KIAA0825: variants seen among roughly 807,000 people sequenced by gnomAD.
KIAA0825 encodes uncharacterized protein KIAA0825.
KIAA0825 carries 119 observed loss-of-function variants against 147.6 expected under a neutral mutation model. That is an observed-to-expected ratio of 0.81 (90% CI 0.69 to 0.94). The LOEUF (loss-of-function observed/expected upper bound fraction) is 0.94, where lower values mean the gene tolerates loss of function less well. Among genes scored for constraint, KIAA0825 ranks in the 40% least tolerant of loss-of-function variants. The pLI is 0.00. For synonymous variants in KIAA0825, 470 were observed against 518.1 expected (o/e 0.91, Z 1.26); for missense variants, 1,381 against 1,472.7 (o/e 0.94, Z 1.02).
intron 20 of KIAA0825, among the ~76,000 whole-genome samples, chr5:94,315,007 A>T (rs1216286595): frequency 6.6e-6 from 1 of 151,604 alleles, no homozygotes; most frequent in Non-Finnish European, 1.5e-5. Flanking sequence ...GACAAATAGG[A>T]CTGTTGCCAT....
chr5:94,248,369 C>T (rs1775737456), intron 20 of KIAA0825, among the ~76,000 whole-genome samples: 1 of 152,060 alleles, frequency 6.6e-6, no homozygotes, highest in Non-Finnish European at 1.5e-5. Flanking sequence ...CTCTGCTGGC[C>T]AGATTCTGTC....
chr5:94,526,710 G>A (rs1769354075), intron 3 of KIAA0825, among the ~76,000 whole-genome samples: 1 of 151,902 alleles, frequency 6.6e-6, no homozygotes, highest in Non-Finnish European at 1.5e-5. Context: ...TTGAATGAAG[G>A]CATTATATTT....
chr5:94,401,628 A>C (rs1751389884), intron 16 of KIAA0825, among the ~76,000 whole-genome samples: 1 of 152,114 alleles, frequency 6.6e-6, no homozygotes, highest in Admixed American at 6.6e-5. Flanking sequence ...GCTCACTCAC[A>C]GACCAAGAAA....
intron 20 of KIAA0825, among the ~76,000 whole-genome samples, chr5:94,303,972 C>T (rs1418844850): frequency 6.6e-6 from 1 of 152,052 alleles, no homozygotes; most frequent in Admixed American, 6.6e-5. Context: ...GAATGATAAT[C>T]ATTAAATACT....
intron 5 of KIAA0825, among the ~76,000 whole-genome samples, chr5:94,518,217 A>G (rs562121704): frequency 4.4e-4 from 67 of 152,316 alleles, no homozygotes; most frequent in Middle Eastern, 6.8e-3. Context: ...AATAAACAAA[A>G]CATTATCATT....
At chr5:94,366,643 TA>T (rs1745897752) in intron 20 of KIAA0825, among the ~76,000 whole-genome samples, 1 of 152,224 alleles carries the variant, frequency 6.6e-6, no homozygotes, top group Non-Finnish European at 1.5e-5. Flanking sequence ...TGCTAAAGGT[TA>T]AGTTTTTCTT....
At chr5:94,605,587 C>T (rs937229197) in intron 1 of KIAA0825, among the ~76,000 whole-genome samples, 1 of 152,150 alleles carries the variant, frequency 6.6e-6, no homozygotes, top group Non-Finnish European at 1.5e-5. Flanking sequence ...AGGCTTCATT[C>T]CCAGGATGCA....
intron 20 of KIAA0825, among the ~76,000 whole-genome samples, chr5:94,344,263 A>G (rs1782743079): frequency 6.6e-6 from 1 of 152,240 alleles, no homozygotes; most frequent in South Asian, 2.1e-4. Context: ...CTACACAGTA[A>G]TAAAAAATAT....
chr5:94,440,049 C>G lies in KIAA0825; in HGVS notation c.2430G>C (p.Trp810Cys). ...GCAGTAGGGTTTCCAGAAGCAAGTT[C>G]CAGTTACAACGTGGCTGGGATAAGA... The part of the protein sequence containing the change: ...KLLLSQPRCN[W>C]NLLLETLLHH... The change falls in exon 14 of 21, where the codon TGG (tryptophan) becomes TGC (cysteine). Residue 810 changes from tryptophan (W) to cysteine (C), a missense_variant. Transcript: ENST00000682413. 1 of 1,551,706 alleles carries G rather than the reference C, an allele frequency of 6.4e-7. No individual in the cohort carries two copies. Among genetic ancestry groups the G allele is most frequent in the East Asian group, 2.4e-5 (1 of 40,904 alleles).
chr5:94,510,571 A>AT (rs1766344524), intron 5 of KIAA0825, among the ~76,000 whole-genome samples: 1 of 152,208 alleles, frequency 6.6e-6, no homozygotes, highest in Non-Finnish European at 1.5e-5. Flanking sequence ...TACATGTGCA[A>AT]TTTTAGATCT....
intron 1 of KIAA0825, among the ~76,000 whole-genome samples, chr5:94,613,973 C>T (rs1789666491): frequency 6.6e-6 from 1 of 152,184 alleles, no homozygotes; most frequent in Non-Finnish European, 1.5e-5. Context: ...GACCATTTCT[C>T]CTTCTACAAA....
intron 20 of KIAA0825, among the ~76,000 whole-genome samples, chr5:94,293,560 T>C (rs1777998204): frequency 6.6e-6 from 1 of 152,190 alleles, no homozygotes; most frequent in Non-Finnish European, 1.5e-5. Flanking sequence ...ATAAGTATGA[T>C]GTGGTGCTGA....
intron 9 of KIAA0825, among the ~76,000 whole-genome samples, chr5:94,470,976 T>C (rs1200029502): frequency 6.6e-6 from 1 of 152,180 alleles, no homozygotes; most frequent in East Asian, 1.9e-4. Context: ...TACATGAAAA[T>C]TAGACTGCCA....
intron 5 of KIAA0825, among the ~76,000 whole-genome samples, chr5:94,511,198 T>C (rs1469975303): frequency 6.6e-6 from 1 of 152,206 alleles, no homozygotes; most frequent in East Asian, 1.9e-4. Flanking sequence ...ATCTTGAACT[T>C]GTCGGCCTCC....
At chr5:94,506,662 A>T (rs1199756554) in intron 5 of KIAA0825, among the ~76,000 whole-genome samples, 2 of 152,224 alleles carry the variant, frequency 1.3e-5, no homozygotes, top group African/African-American at 2.4e-5. Flanking sequence ...AAACTATTAA[A>T]TATACTTTTT....
chr5:94,415,540 A>G (rs1000245245), intron 15 of KIAA0825: 1 of 152,194 alleles, frequency 6.6e-6, no homozygotes, highest in African/African-American at 2.4e-5. Flanking sequence ...AATGGGAGAG[A>G]AAAGAGAAAA....
At chr5:94,201,589 G>GC (rs1554242216) in intron 20 of KIAA0825, among the ~76,000 whole-genome samples, 1 of 144,610 alleles carries the variant, frequency 6.9e-6, no homozygotes, top group East Asian at 2.0e-4. Context: ...AAAAAAGGTT[G>GC]TTTTTTTTTG....
intron 20 of KIAA0825, among the ~76,000 whole-genome samples, chr5:94,367,493 G>A (rs998196090): frequency 6.6e-6 from 1 of 151,322 alleles, no homozygotes; most frequent in Non-Finnish European, 1.5e-5. Context: ...AGCGACACTC[G>A]ATCTCAAAAA....
At chr5:94,470,214 A>G (rs1307661056) in intron 9 of KIAA0825, 103 bp from the exon 10 acceptor site, 2 of 712,848 alleles carry the variant, frequency 2.8e-6, no homozygotes, top group Middle Eastern at 3.6e-4. Flanking sequence ...GATATCAATC[A>G]TTCATTTCCT....
Sources: allele counts gnomAD v4.1 joint callset (sites outside exome capture counted in the v4.1 genomes callset), GRCh38; gene constraint gnomAD v4.1.1; transcripts MANE v1.5; gene names NCBI Gene and HGNC (gene_info 2026-07-23, HGNC 2026-07-21).